The following DYM variants were observed in gnomAD, a reference collection of about 807,000 sequenced individuals.
DYM encodes dyggve-Melchior-Clausen syndrome protein.
A neutral mutation model predicts 93.1 loss-of-function variants in DYM; 78 were observed. The ratio of observed to expected loss-of-function variants is 0.84; its 90% CI spans 0.70 to 1.01. The LOEUF (loss-of-function observed/expected upper bound fraction) is 1.01. Among genes scored for constraint, DYM ranks in the 50% least tolerant of loss-of-function variants. DYM has a pLI of 0.00. For missense variants in DYM, 789 were observed against 845.0 expected (o/e 0.93, Z 0.82); for synonymous variants, 321 against 319.7 (o/e 1.00, Z -0.04).
intron 2 of DYM, among the ~76,000 whole-genome samples, chr18:49,408,385 A>G (rs2071773718): frequency 6.6e-6 from 1 of 152,230 alleles, no homozygotes; most frequent in Non-Finnish European, 1.5e-5. Context: ...GTCTTTACAC[A>G]TGTCTCTCCA....
At chr18:49,156,204 T>C (rs1370974972) in intron 15 of DYM, among the ~76,000 whole-genome samples, 2 of 152,214 alleles carry the variant, frequency 1.3e-5, no homozygotes, top group Non-Finnish European at 2.9e-5. Context: ...TGGAAAAATG[T>C]CTATTAAGAT....
At chr18:49,302,387 T>C (rs2060991987) in intron 8 of DYM, among the ~76,000 whole-genome samples, 1 of 152,252 alleles carries the variant, frequency 6.6e-6, no homozygotes, top group Non-Finnish European at 1.5e-5. Context: ...AAAGATTTTC[T>C]TACTGTGAAA....
chr18:49,135,784 G>C (rs1402718785), intron 15 of DYM, among the ~76,000 whole-genome samples: 1 of 152,160 alleles, frequency 6.6e-6, no homozygotes, highest in Non-Finnish European at 1.5e-5. Flanking sequence ...AGATCTTTAA[G>C]AACCTAAATG....
intron 15 of DYM, among the ~76,000 whole-genome samples, chr18:49,152,790 CATAA>C (rs757369595): frequency 6.6e-6 from 1 of 152,130 alleles, no homozygotes; most frequent in African/African-American, 2.4e-5. Context: ...ATCATTTAGC[CATAA>C]ATAAGGAGAT....
chr18:49,097,735 A>G (rs994604648), intron 16 of DYM, among the ~76,000 whole-genome samples: 3 of 152,186 alleles, frequency 2.0e-5, no homozygotes, highest in African/African-American at 7.2e-5. Flanking sequence ...CATTCTGTGA[A>G]TTAAGTAGCC....
In DYM at chr18:49,339,018, T is replaced by C. The variant is rs1276120639; in HGVS notation, c.495-5165A>G. Among the ~76,000 whole-genome samples the C allele has an allele frequency of 2.0e-5, 3 of 151,942 alleles. No homozygotes were observed. The East Asian group carries it at 5.8e-4, about 29-fold the overall frequency. ...TATCAAGGCTATTACAAATAACTCC[T>C]GCCAACAACCAATAAAAAGGCAGGA... On this transcript the variant is annotated intron_variant, in intron 6 of 17. Coordinates refer to ENST00000675505, the MANE Select transcript of DYM (RefSeq NM_001353214.3).
chr18:49,170,190 A>C (rs893603414), intron 14 of DYM, among the ~76,000 whole-genome samples: 3 of 152,152 alleles, frequency 2.0e-5, no homozygotes, highest in Non-Finnish European at 4.4e-5. Context: ...CCCTTTTATA[A>C]ATAGATGATG....
chr18:49,308,288 G>GTATATA (rs1340030482), intron 8 of DYM, among the ~76,000 whole-genome samples: 1 of 105,856 alleles, frequency 9.4e-6, no homozygotes, highest in African/African-American at 3.2e-5. Flanking sequence ...ACACTTGTGT[G>GTATATA]TGTATATATA....
In DYM at chr18:49,070,942, T is replaced by A. The variant is rs1420753003; in HGVS notation, c.2025+26460A>T. Among the ~76,000 whole-genome samples the A allele has an allele frequency of 1.3e-5, 2 of 152,166 alleles. 1 individual carries two copies. Among genetic ancestry groups the A allele is most frequent in the East Asian group, 3.8e-4 (2 of 5,198 alleles). Reference sequence around the variant, plus strand: ...CATTGTGCCCTGATTTGAAAAACTCTCAATATTGGGTTTGGTGTTTTCTCT... The same window carrying A: ...CATTGTGCCCTGATTTGAAAAACTCACAATATTGGGTTTGGTGTTTTCTCT... On this transcript the variant is annotated intron_variant, in intron 17 of 17. Coordinates refer to ENST00000675505, the MANE Select transcript of DYM (RefSeq NM_001353214.3).
rs2070750130 is a variant in DYM, at chr18:49,037,535, A to G, written c.*6520T>C. ...AGGAGCCCAAACCTCAGCATCATCA[A>G]TATATTCTTGTAACAAACCTGAACA... On this transcript the variant is annotated 3_prime_UTR_variant, in exon 18 of 18. Transcript: ENST00000675505. 6.6e-6 allele frequency among the ~76,000 whole-genome samples: 1 copy of G among 152,130 alleles called. No individual in the cohort carries two copies.
At chr18:49,089,829 G>A (rs772470563) in intron 17 of DYM, among the ~76,000 whole-genome samples, 10 of 152,316 alleles carry the variant, frequency 6.6e-5, no homozygotes, top group Non-Finnish European at 1.0e-4. Flanking sequence ...CAATACAGAA[G>A]AGATTCTAGT....
At chr18:49,060,355 C>T (rs781677227) in intron 17 of DYM, among the ~76,000 whole-genome samples, 2 of 152,014 alleles carry the variant, frequency 1.3e-5, no homozygotes, top group African/African-American at 2.4e-5. Flanking sequence ...ATGTCCTTCC[C>T]ACCACACTTC....
chr18:49,203,715 C>T (rs942133089), intron 14 of DYM, among the ~76,000 whole-genome samples: 2 of 140,840 alleles, frequency 1.4e-5, no homozygotes, highest in Non-Finnish European at 3.1e-5. Context: ...ACAAACACTG[C>T]GGAAGGCCGC....
chr18:49,399,033 C>T (rs960617951), intron 2 of DYM, among the ~76,000 whole-genome samples: 14 of 152,174 alleles, frequency 9.2e-5, no homozygotes, highest in African/African-American at 3.1e-4. Flanking sequence ...CTGTAATCTT[C>T]GAAGCTGCTA....
At chr18:49,101,221 T>C (rs1428398801) in intron 16 of DYM, among the ~76,000 whole-genome samples, 1 of 152,160 alleles carries the variant, frequency 6.6e-6, no homozygotes, top group Non-Finnish European at 1.5e-5. Flanking sequence ...AACATTCAAG[T>C]AAAACCTTTA....
intron 14 of DYM, among the ~76,000 whole-genome samples, chr18:49,176,122 T>C (rs983856599): frequency 1.3e-5 from 2 of 152,088 alleles, no homozygotes; most frequent in African/African-American, 4.8e-5. Flanking sequence ...AGGAATTGAA[T>C]TTCCCCTAGC....
At chr18:49,080,302 A>C (rs1599591732) in intron 17 of DYM, among the ~76,000 whole-genome samples, 1 of 116,514 alleles carries the variant, frequency 8.6e-6, no homozygotes, top group Non-Finnish European at 1.8e-5. Flanking sequence ...GGCGCCCCTC[A>C]CCTCCCGGAC....
chr18:49,424,130 TC>T, intron 2 of DYM, among the ~76,000 whole-genome samples: 1 of 152,170 alleles, frequency 6.6e-6, no homozygotes, highest in African/African-American at 2.4e-5. Context: ...CTGATGAACA[TC>T]GATGCAAAAA....
At chr18:49,128,584 TAC>T (rs1483573735) in intron 15 of DYM, among the ~76,000 whole-genome samples, 1 of 152,300 alleles carries the variant, frequency 6.6e-6, no homozygotes, top group East Asian at 1.9e-4. Context: ...TCACCTGAGT[TAC>T]AGTTTTTATT....
Sources: gnomAD v4.1 joint callset for allele counts (sites outside exome capture counted in the v4.1 genomes callset) on GRCh38, gnomAD v4.1.1 for gene constraint, MANE v1.5 for transcripts, NCBI Gene and HGNC (gene_info 2026-07-23, HGNC 2026-07-21) for gene names.